Variants in TECPR2 observed in about 807,000 individuals in gnomAD.
TECPR2 encodes the protein tectonin beta-propeller repeat containing 2, also known as tectonin beta-propeller repeat-containing protein 2.
A neutral mutation model predicts 138.1 loss-of-function variants in TECPR2; 65 were observed. The ratio of observed to expected loss-of-function variants is 0.47; its 90% confidence interval spans 0.39 to 0.58. The LOEUF (loss-of-function observed/expected upper bound fraction) is 0.58. Ranked by LOEUF, TECPR2 falls within the 20% of genes least tolerant of loss-of-function variation. The probability of loss-of-function intolerance (pLI) is 0.00; values close to 1 mark genes in which losing one functional copy is unlikely to be tolerated. For synonymous variants in TECPR2, 746 were observed against 749.8 expected (o/e 0.99, Z 0.08); for missense variants, 1,553 against 1,824.5 (o/e 0.85, Z 2.71).
intron 4 of TECPR2, among the ~76,000 whole-genome samples, chr14:102,408,942 A>G (rs1198352136): frequency 6.6e-6 from 1 of 152,168 alleles, no homozygotes; most frequent in African/African-American, 2.4e-5. Flanking sequence ...CTAACTGTGG[A>G]CAAGTCAGTG....
intron 17 of TECPR2, among the ~76,000 whole-genome samples, chr14:102,472,563 A>G (rs1890672772): frequency 1.3e-5 from 2 of 152,224 alleles, no homozygotes; most frequent in Non-Finnish European, 2.9e-5. Flanking sequence ...AGCTTTTAGC[A>G]TGCTATGGAA....
At chr14:102,442,896 C>T (rs906487224) in intron 11 of TECPR2, among the ~76,000 whole-genome samples, 7 of 152,240 alleles carry the variant, frequency 4.6e-5, no homozygotes, top group Non-Finnish European at 8.8e-5. Flanking sequence ...TTTAGACATA[C>T]TTTATTGACA....
intron 13 of TECPR2, among the ~76,000 whole-genome samples, chr14:102,446,205 T>C (rs1050207749): frequency 7.9e-5 from 12 of 152,068 alleles, no homozygotes; most frequent in African/African-American, 2.9e-4. Flanking sequence ...TAGCTGGGAC[T>C]ACAGGCGTGT....
In TECPR2 at chr14:102,387,894, G is replaced by A. The variant is rs528055597; in HGVS notation, c.219+10954G>A. Among the ~76,000 whole-genome samples, 8 of 152,258 alleles carry A rather than the reference G, an allele frequency of 5.3e-5. No homozygotes were observed. The East Asian group carries it at 9.7e-4, about 18-fold the overall frequency. Reference sequence around the variant, plus strand: ...GAGAAGGTGACAGTTGAACAAAGACGTAAAGAGCATGACCAACACACCATA... The same window carrying A: ...GAGAAGGTGACAGTTGAACAAAGACATAAAGAGCATGACCAACACACCATA... On this transcript the variant is annotated intron_variant, in intron 2 of 19. Transcript: ENST00000359520.
At chr14:102,382,075 C>T (rs867087493) in intron 2 of TECPR2, among the ~76,000 whole-genome samples, 1 of 152,058 alleles carries the variant, frequency 6.6e-6, no homozygotes, top group Non-Finnish European at 1.5e-5. Flanking sequence ...GGGTGGATCA[C>T]GAGGTCAGGA....
chr14:102,478,295 C>T (rs1375022391), intron 17 of TECPR2, among the ~76,000 whole-genome samples: 1 of 151,974 alleles, frequency 6.6e-6, no homozygotes, highest in Non-Finnish European at 1.5e-5. Context: ...GCAAGCCTCC[C>T]ACCTTAGCCT....
At chr14:102,445,437 A>G (rs1889947921) in intron 12 of TECPR2, among the ~76,000 whole-genome samples, 1 of 149,820 alleles carries the variant, frequency 6.7e-6, no homozygotes, top group Non-Finnish European at 1.5e-5. Context: ...GAAGGAGTAG[A>G]GAGATGGAGG....
intron 4 of TECPR2, among the ~76,000 whole-genome samples, chr14:102,412,537 G>C (rs1217964225): frequency 6.6e-6 from 1 of 151,872 alleles, no homozygotes. Flanking sequence ...CACAGGGACA[G>C]ATACAAGTTT....
At chr14:102,479,970 G>A (rs944863002) in intron 17 of TECPR2, among the ~76,000 whole-genome samples, 3 of 152,214 alleles carry the variant, frequency 2.0e-5, no homozygotes, top group Non-Finnish European at 2.9e-5. Flanking sequence ...CCCATTGCGG[G>A]CAGAATCTGT....
At chr14:102,426,764 C>T (rs1426837129) in intron 6 of TECPR2, among the ~76,000 whole-genome samples, 2 of 152,108 alleles carry the variant, frequency 1.3e-5, no homozygotes, top group African/African-American at 2.4e-5. Flanking sequence ...GAGGCTGAGG[C>T]AGGAGAATTG....
At position 102,497,640 on chromosome 14, in the gene TECPR2, C is replaced by T. The variant is rs779816523; in HGVS notation, c.4002C>T (p.Ala1334=). 2 of 1,609,748 alleles carry T rather than the reference C, an allele frequency of 1.2e-6. No homozygotes were observed. The highest frequency in any genetic ancestry group is 1.1e-5 in the South Asian group (1 of 90,318). ...VWARCPNGDL[A]RRYGVTDKNP... Reference sequence around the variant, plus strand: ...CCCGCTGTCCAAACGGAGACCTCGCCCGGCGGTACGGCGTCACAGACAAGA... The same window carrying T: ...CCCGCTGTCCAAACGGAGACCTCGCTCGGCGGTACGGCGTCACAGACAAGA... The change falls in exon 19 of 20, where the codon GCC becomes GCT. Residue 1334 remains alanine (A), a synonymous_variant. Transcript: ENST00000359520.
At chr14:102,412,713 G>C (rs1469447250) in intron 4 of TECPR2, among the ~76,000 whole-genome samples, 6 of 152,080 alleles carry the variant, frequency 3.9e-5, no homozygotes, top group African/African-American at 1.2e-4. Flanking sequence ...AGCTGGCTCA[G>C]CTCATAGCTG....
At chr14:102,479,406 T>C (rs1490040738) in intron 17 of TECPR2, among the ~76,000 whole-genome samples, 1 of 152,060 alleles carries the variant, frequency 6.6e-6, no homozygotes, top group Non-Finnish European at 1.5e-5. Context: ...AAGGATGTTG[T>C]GGGAAAGAGA....
At chr14:102,483,791 CTTT>C (rs71119708) in intron 17 of TECPR2, among the ~76,000 whole-genome samples, 36,811 of 92,212 alleles carry the variant, frequency 0.4, 5,996 homozygotes, top group Middle Eastern at 0.49. Flanking sequence ...TTTTCCTTTT[CTTT>C]TTTTTTTTTT....
At position 102,376,819 on chromosome 14, in the gene TECPR2, C is replaced by T; in HGVS notation, c.98C>T (p.Ser33Phe). The T allele has an allele frequency of 6.2e-7, 1 of 1,614,212 alleles. No individual in the cohort carries two copies. The highest frequency in any genetic ancestry group is 8.5e-7 in the Non-Finnish European group (1 of 1,180,044). ...ACAAAGATCCAGAAGGGTTTCCGCT[C>T]TATCGTGGTCTATCTCACGGCCCTC... ...IPTKIQKGFR[S>F]IVVYLTALDT... The change falls in exon 2 of 20, where the codon TCT (serine) becomes TTT (phenylalanine). Residue 33 changes from serine to phenylalanine, a missense_variant. Coordinates refer to ENST00000359520, the MANE Select transcript of TECPR2 (RefSeq NM_014844.5).
chr14:102,450,212 G>A (rs962507688), intron 14 of TECPR2, among the ~76,000 whole-genome samples: 12 of 152,208 alleles, frequency 7.9e-5, no homozygotes, highest in African/African-American at 2.9e-4. Context: ...CTTCCTGGAG[G>A]GAAGGTGATC....
Position 102,376,733 on chromosome 14 carries a change from A to G in TECPR2, c.12A>G (p.Ile4Met). 1 of 1,614,214 alleles carries G rather than the reference A, an allele frequency of 6.2e-7. No individual in the cohort carries two copies. Among genetic ancestry groups the G allele is most frequent in the Non-Finnish European group, 8.5e-7 (1 of 1,180,026 alleles). Residue 4 changes from isoleucine to methionine, a missense_variant, in exon 2 of 20, where the codon ATA becomes ATG. Coordinates refer to ENST00000359520, the MANE Select transcript of TECPR2 (RefSeq NM_014844.5). MAS[I>M]SEPVTFREFC... is the part of the protein sequence containing the mutation. ...TGGAAACCTTGGCCATGGCATCGAT[A>G]TCAGAGCCTGTTACATTCAGAGAGT...
chr14:102,411,919 T>C (rs973908936), intron 4 of TECPR2, among the ~76,000 whole-genome samples: 1 of 151,970 alleles, frequency 6.6e-6, no homozygotes, highest in African/African-American at 2.4e-5. Flanking sequence ...AAATGGTAGT[T>C]GCTTTAAAGG....
chr14:102,501,537 G>A lies in TECPR2; in HGVS notation c.*3280G>A, dbSNP rs759141543. 2.0e-5 allele frequency: 3 copies of A among 151,984 alleles called. No individual in the cohort carries two copies. Among genetic ancestry groups the A allele is most frequent in the African/African-American group, 4.8e-5 (2 of 41,380 alleles). 9.4% of individuals were successfully genotyped at this position (151,984 alleles called of 1,614,324 possible). ...AGCCTCGGCGACAGAGCAAGACCTTGTTTCTCAAAAATAAATAAATAGAAG... is the reference window on the plus strand; with the variant it reads ...AGCCTCGGCGACAGAGCAAGACCTTATTTCTCAAAAATAAATAAATAGAAG... On this transcript the variant is annotated 3_prime_UTR_variant, in exon 20 of 20. Transcript: ENST00000359520.
Sources: gnomAD v4.1 joint callset for allele counts (sites outside exome capture counted in the v4.1 genomes callset) on GRCh38, gnomAD v4.1.1 for gene constraint, MANE v1.5 for transcripts, NCBI Gene and HGNC (gene_info 2026-07-23, HGNC 2026-07-21) for gene names.